The following CD80 variants were observed in gnomAD, a reference collection of about 807,000 sequenced individuals.
CD80 encodes the protein CD80 molecule.
CD80 carries 13 observed loss-of-function variants against 27.1 expected under a neutral mutation model. The ratio of observed to expected loss-of-function variants is 0.48; its 90% CI spans 0.31 to 0.76. The LOEUF is 0.76. Ranked by LOEUF, CD80 falls within the 30% of genes least tolerant of loss-of-function variation. The pLI is 0.04. For synonymous variants in CD80, 125 were observed against 125.5 expected, an observed-to-expected ratio of 1.00 and a Z score of 0.03; for missense variants, 277 against 347.9, an observed-to-expected ratio of 0.80 and a Z score of 1.62.
chr3:119,543,443 C>T (rs930400530), intron 3 of CD80, among the ~76,000 whole-genome samples: 26 of 150,236 alleles, frequency 1.7e-4, no homozygotes, highest in Non-Finnish European at 5.9e-5. Flanking sequence ...GGGAAATGCT[C>T]ACCCTCCTCT....
intron 2 of CD80, among the ~76,000 whole-genome samples, chr3:119,552,114 C>T (rs542508943): frequency 6.6e-6 from 1 of 152,354 alleles, no homozygotes; most frequent in South Asian, 2.1e-4. Context: ...CTGCTCTGAC[C>T]ACTTCAACTC....
In CD80 at chr3:119,527,788, T is replaced by C. The variant is rs765161589; in HGVS notation, c.850A>G (p.Ser284Gly). ...GGACACTGTTATACAGGGCGTACAC[T>C]TTCCCTTCTCAATCTCTCATTCCTC... ...RRRNERLRRE[S>G]VRPV Residue 284 changes from serine (S) to glycine (G), a missense_variant, in exon 6 of 7, where the codon AGT (serine) becomes GGT (glycine). By Grantham distance (56) the Ser-to-Gly change is moderately conservative. Coordinates refer to ENST00000264246, the MANE Select transcript of CD80 (RefSeq NM_005191.4). 1 of 1,613,972 alleles carries C rather than the reference T, an allele frequency of 6.2e-7. No homozygotes were observed. The highest frequency in any genetic ancestry group is 8.5e-7 in the Non-Finnish European group (1 of 1,179,828).
chr3:119,555,033 G>A (rs1479862140), intron 2 of CD80, among the ~76,000 whole-genome samples: 1 of 152,084 alleles, frequency 6.6e-6, no homozygotes, highest in East Asian at 1.9e-4. Flanking sequence ...CATCACCTAG[G>A]TGCTTCTTAG....
At chr3:119,537,857 A>G (rs561402453) in intron 3 of CD80, among the ~76,000 whole-genome samples, 249 of 152,338 alleles carry the variant, frequency 1.6e-3, no homozygotes, top group African/African-American at 5.5e-3. Flanking sequence ...GCAACTTCCC[A>G]TTACTCATTA....
chr3:119,531,791 G>A (rs1242327766), intron 4 of CD80, among the ~76,000 whole-genome samples: 3 of 127,268 alleles, frequency 2.4e-5, no homozygotes, highest in Non-Finnish European at 5.1e-5. Context: ...AGCCTCCCGA[G>A]TAGCTGGGAT....
Position 119,537,219 on chromosome 3 carries a change from G to A in CD80, c.618C>T (p.Phe206=). 2 of 1,614,004 alleles carry A rather than the reference G, an allele frequency of 1.2e-6. No individual in the cohort carries two copies. Among genetic ancestry groups the A allele is most frequent in the Non-Finnish European group, 8.5e-7 (1 of 1,179,932 alleles). ...TGAAGCTGTGGTTGGTTGTCATATT[G>A]AAATCCAGTTTGCTGCTAACAGCAT... ...ELYAVSSKLD[F]NMTTNHSFMC... is the part of the protein sequence containing the mutation. The change falls in exon 4 of 7, where the codon TTC becomes TTT. Residue 206 remains phenylalanine, a synonymous_variant. Transcript: ENST00000264246.
At chr3:119,527,930 G>T in intron 5 of CD80, 89 bp from the exon 6 acceptor site, 2 of 1,129,860 alleles carry the variant, frequency 1.8e-6, no homozygotes, top group South Asian at 1.3e-5. Context: ...CAAGGCTTCA[G>T]ACTGGCTTAG....
intron 6 of CD80, among the ~76,000 whole-genome samples, chr3:119,526,152 C>G (rs866561871): frequency 3.9e-5 from 6 of 152,092 alleles, no homozygotes; most frequent in South Asian, 4.1e-4. Flanking sequence ...ATGTGTGGGG[C>G]TCTCAGGCAT....
chr3:119,541,611 G>A (rs1206312360), intron 3 of CD80, among the ~76,000 whole-genome samples: 1 of 152,220 alleles, frequency 6.6e-6, no homozygotes, highest in African/African-American at 2.4e-5. Flanking sequence ...CTGAGAGCTT[G>A]TTAGAGGTGC....
At chr3:119,528,886 T>C (rs1380537977) in intron 5 of CD80, among the ~76,000 whole-genome samples, 2 of 143,474 alleles carry the variant, frequency 1.4e-5, no homozygotes, top group African/African-American at 5.3e-5. Context: ...GATCGGGGCA[T>C]ACACTCCAGC....
intron 3 of CD80, among the ~76,000 whole-genome samples, chr3:119,540,962 C>T (rs909280556): frequency 1.3e-5 from 2 of 151,964 alleles, no homozygotes; most frequent in Non-Finnish European, 2.9e-5. Context: ...ACAGGAGAAT[C>T]GCTTGAACCC....
chr3:119,548,125 C>T (rs9861873), intron 2 of CD80, among the ~76,000 whole-genome samples: 50,968 of 151,764 alleles, frequency 0.34, 8,767 homozygotes, highest in East Asian at 0.51. Context: ...GGATTACAGG[C>T]GCCCGCCATC....
At chr3:119,546,695 G>A (rs544523396) in intron 2 of CD80, among the ~76,000 whole-genome samples, 95 of 152,126 alleles carry the variant, frequency 6.2e-4, no homozygotes, top group Middle Eastern at 3.4e-3. Context: ...GTAATTTTCA[G>A]CTACTACTGC....
At chr3:119,533,114 C>T (rs1392180873) in intron 4 of CD80, among the ~76,000 whole-genome samples, 1 of 152,204 alleles carries the variant, frequency 6.6e-6, no homozygotes, top group East Asian at 1.9e-4. Flanking sequence ...CCACACCCAT[C>T]CACAAGCCTC....
intron 2 of CD80, among the ~76,000 whole-genome samples, chr3:119,554,030 C>CT (rs2082249588): frequency 6.6e-6 from 1 of 152,228 alleles, no homozygotes; most frequent in Non-Finnish European, 1.5e-5. Flanking sequence ...AGACCTGTGT[C>CT]TCCTCGTGTT....
intron 3 of CD80, 163 bp downstream of exon 3, chr3:119,544,387 T>G: frequency 1.6e-6 from 1 of 619,324 alleles, no homozygotes; most frequent in South Asian, 2.0e-5. Flanking sequence ...AGGACATCTT[T>G]AGAAACCAGT....
intron 2 of CD80, among the ~76,000 whole-genome samples, chr3:119,547,163 G>C (rs1223497914): frequency 6.6e-6 from 1 of 152,118 alleles, no homozygotes; most frequent in Non-Finnish European, 1.5e-5. Flanking sequence ...AAGAACATGG[G>C]CTTTTTTCAT....
intron 1 of CD80, among the ~76,000 whole-genome samples, chr3:119,558,299 T>C (rs2082274912): frequency 6.6e-6 from 1 of 152,220 alleles, no homozygotes; most frequent in African/African-American, 2.4e-5. Flanking sequence ...ACCTAAGTTA[T>C]GAAACAACTT....
intron 4 of CD80, among the ~76,000 whole-genome samples, chr3:119,535,605 CA>C: frequency 6.6e-6 from 1 of 152,132 alleles, no homozygotes; most frequent in East Asian, 1.9e-4. Flanking sequence ...CAAATGATTT[CA>C]CCTCTTGGGG....
Sources: allele counts gnomAD v4.1 joint callset (sites outside exome capture counted in the v4.1 genomes callset), GRCh38; gene constraint gnomAD v4.1.1; transcripts MANE v1.5; gene names NCBI Gene and HGNC (gene_info 2026-07-23, HGNC 2026-07-21).